BCL2L13: variants seen among roughly 807,000 people sequenced by gnomAD.
The protein encoded by BCL2L13 is bcl-2-like protein 13.
A neutral mutation model predicts 25.8 loss-of-function variants in BCL2L13; 13 were observed. The observed-to-expected ratio is 0.50, with a 90% CI of 0.33 to 0.80. The LOEUF (loss-of-function observed/expected upper bound fraction) is 0.80, where lower values mean the gene tolerates loss of function less well. Among genes scored for constraint, BCL2L13 ranks in the 30% least tolerant of loss-of-function variants. The pLI is 0.02. For missense variants in BCL2L13, 504 were observed against 574.9 expected (o/e 0.88, Z 1.26); for synonymous variants, 244 against 230.3 (o/e 1.06, Z -0.54).
chr22:17,701,981 A>G lies in BCL2L13; in HGVS notation c.457-262A>G, dbSNP rs138444640. On this transcript the variant is annotated intron_variant, in intron 5 of 6. Coordinates refer to ENST00000317582, the MANE Select transcript of BCL2L13 (RefSeq NM_015367.4). The stretch of plus-strand genomic sequence containing the variant: ...ATAATGCATCAGTGAATTTCCTTCT[A>G]TATATGTTATTTCTGTCACACACAT... Among the ~76,000 whole-genome samples the G allele has an allele frequency of 3.9e-4, 60 of 151,968 alleles. 1 individual carries two copies. The highest frequency in any genetic ancestry group is 6.6e-4 in the Non-Finnish European group (45 of 67,964).
intron 4 of BCL2L13, among the ~76,000 whole-genome samples, chr22:17,693,216 A>G (rs1030411970): frequency 6.6e-6 from 1 of 151,538 alleles, no homozygotes; most frequent in African/African-American, 2.4e-5. Flanking sequence ...TATATGAAAT[A>G]TTAAAACCTA....
intron 2 of BCL2L13, among the ~76,000 whole-genome samples, chr22:17,661,259 A>C (rs901864982): frequency 1.1e-4 from 16 of 144,684 alleles, no homozygotes; most frequent in African/African-American, 3.2e-4. Context: ...CCCCTGGCTA[A>C]TTTTTGTATT....
chr22:17,643,742 T>C (rs1203485568), intron 1 of BCL2L13, among the ~76,000 whole-genome samples: 1 of 149,220 alleles, frequency 6.7e-6, no homozygotes, highest in African/African-American at 2.5e-5. Flanking sequence ...AGGAGGTGTG[T>C]AGCTGGGACT....
intron 2 of BCL2L13, among the ~76,000 whole-genome samples, chr22:17,677,279 G>A (rs748500247): frequency 6.6e-6 from 1 of 152,214 alleles, no homozygotes; most frequent in East Asian, 1.9e-4. Context: ...AGTAGAAAAT[G>A]AATCAGAATC....
In BCL2L13 at chr22:17,701,543, G is replaced by A. The variant is rs529798164; in HGVS notation, c.457-700G>A. On this transcript the variant is annotated intron_variant, in intron 5 of 6. Coordinates refer to ENST00000317582, the MANE Select transcript of BCL2L13 (RefSeq NM_015367.4). ...GTAAATTGTGGTGATTGGGTAGTAA[G>A]CAATTTAACAACTATATATTTTACT... Among the ~76,000 whole-genome samples the A allele has an allele frequency of 5.1e-4, 77 of 152,240 alleles. 1 individual carries two copies. The highest frequency in any genetic ancestry group is 6.8e-3 in the Middle Eastern group (2 of 292).
At position 17,730,607 on chromosome 22, in the gene BCL2L13, G is replaced by A. The variant is rs1294917537; in HGVS notation, c.*3073G>A. ...AAGAGATGTTTTATAGAAATAAAAC[G>A]TTTTGTAGCTAAGAATTTTCCCTTT... On this transcript the variant is annotated 3_prime_UTR_variant, in exon 7 of 7. Transcript: ENST00000317582. 4 of 152,066 alleles carry A rather than the reference G, an allele frequency of 2.6e-5. No individual in the cohort carries two copies. Among genetic ancestry groups the A allele is most frequent in the African/African-American group, 4.8e-5 (2 of 41,372 alleles). The allele number at this position is 152,066 out of a possible 1,614,324, so 9.4% of individuals were successfully genotyped here.
At chr22:17,725,599 C>G (rs2061273616) in intron 6 of BCL2L13, among the ~76,000 whole-genome samples, 1 of 152,160 alleles carries the variant, frequency 6.6e-6, no homozygotes, top group Non-Finnish European at 1.5e-5. Flanking sequence ...GGCACTTGGA[C>G]TATGACATAG....
chr22:17,682,078 G>A (rs1445992137), intron 2 of BCL2L13, among the ~76,000 whole-genome samples: 1 of 151,960 alleles, frequency 6.6e-6, no homozygotes, highest in Non-Finnish European at 1.5e-5. Context: ...GGTGAAATTG[G>A]ACTGTCAAAT....
intron 2 of BCL2L13, among the ~76,000 whole-genome samples, chr22:17,672,586 A>G (rs541692079): frequency 1.3e-5 from 2 of 152,324 alleles, no homozygotes; most frequent in African/African-American, 4.8e-5. Context: ...CTAGGTGGAG[A>G]GGATTAATTA....
At chr22:17,703,979 A>T (rs1197053533) in intron 6 of BCL2L13, among the ~76,000 whole-genome samples, 1 of 152,240 alleles carries the variant, frequency 6.6e-6, no homozygotes, top group East Asian at 1.9e-4. Context: ...GATGTAGTAC[A>T]TCAAGGTTTG....
chr22:17,727,229 G>A lies in BCL2L13; in HGVS notation c.1153G>A (p.Val385Met). Residue 385 changes from valine to methionine, a missense_variant, in exon 7 of 7, where the codon GTG (valine) becomes ATG (methionine). Physicochemically the swap from Val to Met is conservative, Grantham distance 21. Coordinates refer to ENST00000317582, the MANE Select transcript of BCL2L13 (RefSeq NM_015367.4). ...SLFVELDEEE[V>M]KAATTEPTEV... ...GTTTGTAGAACTTGATGAAGAAGAG[G>A]TGAAAGCAGCAACAACTGAACCTAC... The A allele has an allele frequency of 6.2e-7, 1 of 1,614,248 alleles. No homozygotes were observed.
At chr22:17,646,888 TTGTGTGTG>T (rs71201853) in intron 1 of BCL2L13, among the ~76,000 whole-genome samples, 1,287 of 89,850 alleles carry the variant, frequency 0.014, 24 homozygotes, top group African/African-American at 0.038. Context: ...CCCAGCTAAT[TTGTGTGTG>T]TGTGTGTGTG....
chr22:17,714,074 A>C (rs1406323993), intron 6 of BCL2L13, among the ~76,000 whole-genome samples: 1 of 151,100 alleles, frequency 6.6e-6, no homozygotes, highest in East Asian at 2.0e-4. Context: ...CAGGTGGATC[A>C]CGAGGTCAGG....
At chr22:17,639,571 C>T (rs1320744628) in intron 1 of BCL2L13, among the ~76,000 whole-genome samples, 4 of 152,204 alleles carry the variant, frequency 2.6e-5, no homozygotes, top group Admixed American at 2.6e-4. Flanking sequence ...CAGTTGTTCA[C>T]ATGCTGTTGA....
intron 1 of BCL2L13, among the ~76,000 whole-genome samples, chr22:17,647,647 A>G (rs2058540593): frequency 6.6e-6 from 1 of 152,180 alleles, no homozygotes; most frequent in African/African-American, 2.4e-5. Flanking sequence ...AGAGGAAGTG[A>G]AGACGGTGTA....
intron 6 of BCL2L13, among the ~76,000 whole-genome samples, chr22:17,713,862 CA>C (rs1323630247): frequency 3.9e-5 from 6 of 152,000 alleles, no homozygotes; most frequent in Admixed American, 2.6e-4. Flanking sequence ...AAAAATGGGC[CA>C]GGCACAGTGG....
At chr22:17,715,242 T>A (rs1228688973) in intron 6 of BCL2L13, among the ~76,000 whole-genome samples, 2 of 131,212 alleles carry the variant, frequency 1.5e-5, no homozygotes, top group Non-Finnish European at 3.1e-5. Context: ...AGTACAGTGG[T>A]GCAGACTTGG....
chr22:17,670,828 G>A (rs866405564), intron 2 of BCL2L13, among the ~76,000 whole-genome samples: 14 of 152,298 alleles, frequency 9.2e-5, no homozygotes, highest in Middle Eastern at 3.4e-3. Context: ...GGTGGTGCAT[G>A]GTGGAATTCT....
chr22:17,704,179 A>G (rs76694763), intron 6 of BCL2L13, among the ~76,000 whole-genome samples: 1 of 152,082 alleles, frequency 6.6e-6, no homozygotes, highest in Non-Finnish European at 1.5e-5. Context: ...TCCGCCTCCC[A>G]GGTTCAAGCT....
Sources: gnomAD v4.1 joint callset for allele counts (sites outside exome capture counted in the v4.1 genomes callset) on GRCh38, gnomAD v4.1.1 for gene constraint, MANE v1.5 for transcripts, NCBI Gene and HGNC (gene_info 2026-07-23, HGNC 2026-07-21) for gene names.